Variants in ST7 observed in about 807,000 individuals in gnomAD.
ST7 encodes the protein suppressor of tumorigenicity 7 protein.
ST7 carries 28 observed loss-of-function variants against 78.7 expected under a neutral mutation model. That is an observed-to-expected ratio of 0.36 (90% CI 0.26 to 0.49). The LOEUF (loss-of-function observed/expected upper bound fraction) is 0.49. Among genes scored for constraint, ST7 ranks in the 20% least tolerant of loss-of-function variants. The pLI, the probability that ST7 is intolerant of heterozygous loss-of-function variation, is 0.99. For synonymous variants in ST7, 247 were observed against 249.6 expected, an observed-to-expected ratio of 0.99 and a Z score of 0.10; for missense variants, 418 against 696.0, an observed-to-expected ratio of 0.60 and a Z score of 4.49.
chr7:117,118,418 G>A (rs1391287903), intron 2 of ST7: 1 of 152,108 alleles, frequency 6.6e-6, no homozygotes, highest in African/African-American at 2.4e-5. Context: ...CTTCCTTCTG[G>A]TCATTCATAA....
intron 1 of ST7, 49 bp downstream of exon 1, chr7:116,953,740 G>T (rs373255369): frequency 1.3e-5 from 17 of 1,325,768 alleles, no homozygotes; most frequent in East Asian, 7.1e-5. Context: ...CCCCGCCCCG[G>T]AAAGTTAGTG....
rs528521150 is a variant in ST7, at chr7:117,066,642, C to T, written c.152-33120C>T. ...TGGGTGTGGTGGTGTGCACCTGTAG[C>T]CCCAGCTACTCGGGAGGCTGAGGCA... On this transcript the variant is annotated intron_variant, in intron 1 of 15. Coordinates refer to ENST00000323984, the MANE Select transcript of ST7 (RefSeq NM_001369598.1). 1.5e-3 allele frequency among the ~76,000 whole-genome samples: 230 copies of T among 151,414 alleles called. 1 individual carries two copies. Among genetic ancestry groups the T allele is most frequent in the African/African-American group, 5.3e-3 (218 of 41,250 alleles).
At chr7:117,124,887 T>A (rs1205513843) in intron 3 of ST7, among the ~76,000 whole-genome samples, 1 of 152,168 alleles carries the variant, frequency 6.6e-6, no homozygotes, top group Non-Finnish European at 1.5e-5. Flanking sequence ...AGAATGGCAG[T>A]CACTTGGAGG....
intron 1 of ST7, among the ~76,000 whole-genome samples, chr7:117,070,660 C>A (rs1042233768): frequency 6.6e-6 from 1 of 151,970 alleles, no homozygotes; most frequent in African/African-American, 2.4e-5. Flanking sequence ...CCTGCCTCAG[C>A]GTCCGGAGTA....
At chr7:116,975,624 T>G (rs1793663793) in intron 1 of ST7, among the ~76,000 whole-genome samples, 1 of 151,890 alleles carries the variant, frequency 6.6e-6, no homozygotes, top group African/African-American at 2.4e-5. Flanking sequence ...GCCAGGCTGG[T>G]CTTGAACTCC....
chr7:117,035,421 C>G (rs1323920334), intron 1 of ST7, among the ~76,000 whole-genome samples: 1 of 152,152 alleles, frequency 6.6e-6, no homozygotes, highest in Middle Eastern at 3.4e-3. Context: ...GAAACATTTT[C>G]TATTTTTAAT....
intron 1 of ST7, among the ~76,000 whole-genome samples, chr7:116,987,901 G>A (rs1344559942): frequency 6.6e-6 from 1 of 152,044 alleles, no homozygotes; most frequent in East Asian, 1.9e-4. Context: ...TAATTTTTGT[G>A]TTTTTGGTAG....
chr7:117,151,831 G>A (rs974142814), intron 9 of ST7, among the ~76,000 whole-genome samples: 1 of 151,974 alleles, frequency 6.6e-6, no homozygotes, highest in African/African-American at 2.4e-5. Context: ...AAGAATTTAT[G>A]ACCTCAGGCT....
chr7:117,169,920 C>T (rs1036936746), intron 9 of ST7, among the ~76,000 whole-genome samples: 2 of 150,184 alleles, frequency 1.3e-5, no homozygotes, highest in African/African-American at 4.9e-5. Flanking sequence ...AGAAGATGAT[C>T]GTGGCCCCTG....
intron 9 of ST7, among the ~76,000 whole-genome samples, chr7:117,161,149 A>T (rs1807112125): frequency 6.6e-6 from 1 of 152,100 alleles, no homozygotes; most frequent in East Asian, 1.9e-4. Context: ...TACAGAGCCA[A>T]ACCCCTGAAG....
At chr7:117,214,209 T>C (rs960901235) in intron 13 of ST7, among the ~76,000 whole-genome samples, 1 of 152,204 alleles carries the variant, frequency 6.6e-6, no homozygotes, top group African/African-American at 2.4e-5. Context: ...TAGTCTGCCA[T>C]GGGGTAAATC....
chr7:117,127,367 T>C (rs1450463912), intron 3 of ST7, among the ~76,000 whole-genome samples: 2 of 151,822 alleles, frequency 1.3e-5, no homozygotes, highest in Non-Finnish European at 2.9e-5. Context: ...TGATTCTAGA[T>C]TGAGTTTTTG....
chr7:117,164,634 G>C (rs1409156418), intron 9 of ST7, among the ~76,000 whole-genome samples: 1 of 152,174 alleles, frequency 6.6e-6, no homozygotes, highest in Non-Finnish European at 1.5e-5. Flanking sequence ...CTGCAATACA[G>C]CTATCTTCTT....
intron 1 of ST7, chr7:117,014,994 G>C (rs1283029208): frequency 1.5e-6 from 2 of 1,366,864 alleles, no homozygotes; most frequent in Non-Finnish European, 1.9e-6. Context: ...CCTGCTTACT[G>C]CTTCATTATG....
intron 9 of ST7, among the ~76,000 whole-genome samples, chr7:117,151,427 C>G (rs550894058): frequency 3.3e-5 from 5 of 152,312 alleles, no homozygotes; most frequent in African/African-American, 1.2e-4. Context: ...CAGATCCTCA[C>G]TTGGTTGGCT....
chr7:117,033,972 T>C (rs1796752188), intron 1 of ST7, among the ~76,000 whole-genome samples: 1 of 152,106 alleles, frequency 6.6e-6, no homozygotes, highest in African/African-American at 2.4e-5. Flanking sequence ...AGACAGGGCC[T>C]CACTCTGCAC....
At chr7:117,053,308 C>A (rs572325993) in intron 1 of ST7, among the ~76,000 whole-genome samples, 1 of 152,336 alleles carries the variant, frequency 6.6e-6, no homozygotes, top group African/African-American at 2.4e-5. Flanking sequence ...AGTCTCCTGG[C>A]AAGCCATTTC....
intron 1 of ST7, among the ~76,000 whole-genome samples, chr7:117,064,047 A>G (rs1005029590): frequency 6.6e-6 from 1 of 152,228 alleles, no homozygotes; most frequent in Admixed American, 6.5e-5. Context: ...TGACAACACA[A>G]TATAGCATTT....
chr7:117,088,862 C>G (rs987581388), intron 1 of ST7, among the ~76,000 whole-genome samples: 1 of 152,146 alleles, frequency 6.6e-6, no homozygotes, highest in Admixed American at 6.5e-5. Context: ...TAATAGCTCT[C>G]TACAGTGACA....
Sources: allele counts gnomAD v4.1 joint callset (sites outside exome capture counted in the v4.1 genomes callset), GRCh38; gene constraint gnomAD v4.1.1; transcripts MANE v1.5; gene names NCBI Gene and HGNC (gene_info 2026-07-23, HGNC 2026-07-21).